The following ITPKB variants were observed in gnomAD, a reference collection of about 807,000 sequenced individuals.
ITPKB encodes inositol-trisphosphate 3-kinase B, also known as IP3 3-kinase B.
Under a neutral mutation model 69.4 loss-of-function variants are expected in ITPKB, and 13 were observed. That is an observed-to-expected ratio of 0.19 (90% confidence interval 0.12 to 0.30). The LOEUF (loss-of-function observed/expected upper bound fraction) is 0.30. ITPKB is among the 10% of genes least tolerant of loss of function. The pLI, the probability that ITPKB is intolerant of heterozygous loss-of-function variation, is 1.00. For missense variants in ITPKB, 1,240 were observed against 1,250.5 expected, an observed-to-expected ratio of 0.99 and a Z score of 0.13; for synonymous variants, 584 against 513.7, an observed-to-expected ratio of 1.14 and a Z score of -1.85.
chr1:226,662,910 G>A (rs1265853626), intron 2 of ITPKB, among the ~76,000 whole-genome samples: 1 of 152,174 alleles, frequency 6.6e-6, no homozygotes, highest in Admixed American at 6.5e-5. Context: ...TGGCCAATGC[G>A]CAGCTCTGAA....
At position 226,737,017 on chromosome 1, in the gene ITPKB, C is replaced by G. The variant is rs1558103207; in HGVS notation, c.442G>C (p.Gly148Arg). The G allele has an allele frequency of 6.2e-7, 1 of 1,612,816 alleles. No individual in the cohort carries two copies. The highest frequency in any genetic ancestry group is 8.5e-7 in the Non-Finnish European group (1 of 1,179,938). Residue 148 changes from glycine to arginine, a missense_variant, in exon 2 of 8, where the codon GGC becomes CGC. Coordinates refer to ENST00000429204, the MANE Select transcript of ITPKB (RefSeq NM_002221.4). The part of the protein sequence containing the change: ...LQNVQVNQKV[G>R]MFEAHIQAQS... ...GCCTGGATGTGCGCCTCAAACATGC[C>G]CACTTTCTGGTTCACCTGCACGTTC...
chr1:226,707,593 G>A (rs1293364037), intron 2 of ITPKB: 11 of 986,570 alleles, frequency 1.1e-5, no homozygotes, highest in African/African-American at 5.2e-5. Flanking sequence ...CAACATGTTC[G>A]GGCAGTGGGG....
chr1:226,652,531 A>G (rs1669214637), intron 2 of ITPKB, among the ~76,000 whole-genome samples: 1 of 152,230 alleles, frequency 6.6e-6, no homozygotes, highest in African/African-American at 2.4e-5. Context: ...GAGATATTCA[A>G]GAGTGAGCTC....
chr1:226,711,504 G>A (rs1656959684), intron 2 of ITPKB, among the ~76,000 whole-genome samples: 1 of 151,060 alleles, frequency 6.6e-6, no homozygotes. Flanking sequence ...GTGCTCCAAG[G>A]CCCAGATGCC....
At chr1:226,670,192 A>G (rs1008668472) in intron 2 of ITPKB, among the ~76,000 whole-genome samples, 4 of 151,452 alleles carry the variant, frequency 2.6e-5, no homozygotes, top group African/African-American at 9.7e-5. Context: ...AAAAAAAAAA[A>G]AAAAAAAAAA....
In ITPKB at chr1:226,725,181, A is replaced by G. The variant is rs1287515245; in HGVS notation, c.1932+10346T>C. Among the ~76,000 whole-genome samples, 5 of 152,208 alleles carry G rather than the reference A, an allele frequency of 3.3e-5. No individual in the cohort carries two copies. In the East Asian group the frequency reaches 5.8e-4, roughly 18 times the overall value. ...TGTTCTTCAGTTTCACAAATTTCCAATATGTCTATTGGCATTAACTTTGTC... is the reference window on the plus strand; with the variant it reads ...TGTTCTTCAGTTTCACAAATTTCCAGTATGTCTATTGGCATTAACTTTGTC... On this transcript the variant is annotated intron_variant, in intron 2 of 7. Transcript: ENST00000429204.
chr1:226,635,065 G>A (rs1437066838), intron 7 of ITPKB, among the ~76,000 whole-genome samples, 179 bp from the exon 8 acceptor site: 2 of 152,154 alleles, frequency 1.3e-5, no homozygotes, highest in African/African-American at 4.8e-5. Context: ...GCCATGCCTG[G>A]GCAGAGGGCA....
Position 226,738,594 on chromosome 1 carries a change from T to G in ITPKB, c.-206+447A>C, listed in dbSNP as rs750521404. Among the ~76,000 whole-genome samples the G allele has an allele frequency of 7.9e-5, 12 of 152,164 alleles. No homozygotes were observed. The highest frequency in any genetic ancestry group is 3.9e-4 in the Admixed American group (6 of 15,280). ...CGGACCCGCGCCCACTCGGAGGAAC[T>G]TAGGGGCGTGCATGGCTGCAGCCGG... On this transcript the variant is annotated intron_variant, in intron 1 of 7. Transcript: ENST00000429204. The surrounding 1 kb of genome is among the most constrained non-coding windows in gnomAD (Gnocchi z 4.2).
At chr1:226,659,335 C>T (rs1443034759) in intron 2 of ITPKB, among the ~76,000 whole-genome samples, 1 of 152,102 alleles carries the variant, frequency 6.6e-6, no homozygotes, top group Non-Finnish European at 1.5e-5. Flanking sequence ...CAGGGCCTCA[C>T]CAAGGCTCCC....
At chr1:226,703,361 G>A (rs1280031633) in intron 2 of ITPKB, among the ~76,000 whole-genome samples, 1 of 152,222 alleles carries the variant, frequency 6.6e-6, no homozygotes, top group Non-Finnish European at 1.5e-5. Context: ...TCCGCCCTCA[G>A]CTCAGGCCCG....
chr1:226,648,054 A>C (rs1170994278), intron 3 of ITPKB, among the ~76,000 whole-genome samples: 1 of 152,160 alleles, frequency 6.6e-6, no homozygotes, highest in Non-Finnish European at 1.5e-5. Flanking sequence ...AGGGTCCTAC[A>C]TGTGGGCTAG....
At chr1:226,684,888 C>T (rs1028959184) in intron 2 of ITPKB, among the ~76,000 whole-genome samples, 2 of 152,168 alleles carry the variant, frequency 1.3e-5, no homozygotes, top group Admixed American at 6.5e-5. Context: ...TCATGGAGGG[C>T]CCCTGCCTGC....
At chr1:226,644,030 C>T (rs1374295465) in intron 4 of ITPKB, among the ~76,000 whole-genome samples, 5 of 152,204 alleles carry the variant, frequency 3.3e-5, no homozygotes, top group African/African-American at 4.8e-5. Flanking sequence ...CTCCTGAGGG[C>T]GCTGTAGGGG....
At chr1:226,702,415 G>A (rs1301353037) in intron 2 of ITPKB, among the ~76,000 whole-genome samples, 8 of 148,776 alleles carry the variant, frequency 5.4e-5, no homozygotes, top group East Asian at 2.0e-4. Flanking sequence ...AAAAAAAAAA[G>A]GGAAAGTTCA....
chr1:226,686,996 A>G (rs1656230271), intron 2 of ITPKB, among the ~76,000 whole-genome samples: 1 of 152,222 alleles, frequency 6.6e-6, no homozygotes, highest in Non-Finnish European at 1.5e-5. Context: ...GGATGCTATA[A>G]TCTGGAACCT....
chr1:226,660,611 G>T (rs1438287687), intron 2 of ITPKB, among the ~76,000 whole-genome samples: 1 of 152,306 alleles, frequency 6.6e-6, no homozygotes, highest in East Asian at 1.9e-4. Flanking sequence ...GAGGAAGAAG[G>T]CACAGGAAAT....
At chr1:226,689,029 A>C (rs1656283326) in intron 2 of ITPKB, among the ~76,000 whole-genome samples, 2 of 152,156 alleles carry the variant, frequency 1.3e-5, no homozygotes, top group Admixed American at 6.5e-5. Flanking sequence ...GGTGATCAAC[A>C]CAGCCCTCTC....
At chr1:226,640,151 A>G (rs1668928435) in intron 5 of ITPKB, among the ~76,000 whole-genome samples, 1 of 151,918 alleles carries the variant, frequency 6.6e-6, no homozygotes, top group Non-Finnish European at 1.5e-5. Context: ...ATAATCTACC[A>G]TCTCTTCTTT....
At chr1:226,691,986 G>C (rs2102781613) in intron 2 of ITPKB, among the ~76,000 whole-genome samples, 1 of 152,248 alleles carries the variant, frequency 6.6e-6, no homozygotes, top group South Asian at 2.1e-4. Context: ...CCCCAAATGG[G>C]TGCCTACAAA....
Sources: allele counts gnomAD v4.1 joint callset (sites outside exome capture counted in the v4.1 genomes callset), GRCh38; gene constraint gnomAD v4.1.1; non-coding constraint Gnocchi (gnomAD v3.1); transcripts MANE v1.5; gene names NCBI Gene and HGNC (gene_info 2026-07-23, HGNC 2026-07-21).